The following AKR1C8 variants were observed in gnomAD, a reference collection of about 807,000 sequenced individuals.
AKR1C8 encodes aldo-keto reductase family 1 member C8, also known as aldo-keto reductase family 1 member C-like protein 1.
the AKR1C8 span, among the ~76,000 whole-genome samples, chr10:5,121,583 G>A: frequency 0.28 from 42,016 of 151,788 alleles, 6,260 homozygotes; most frequent in African/African-American, 0.39. Flanking sequence ...GGACTCTTAC[G>A]GGAGGACATG....
chr10:5,175,988 C>A, the AKR1C8 span, among the ~76,000 whole-genome samples: 3 of 151,938 alleles, frequency 2.0e-5, no homozygotes, highest in African/African-American at 7.3e-5. Context: ...TTAATTAGAT[C>A]CCATTTGTCA....
At chr10:5,132,751 C>A in the AKR1C8 span, 2 of 1,465,190 alleles carry the variant, frequency 1.4e-6, no homozygotes. Context: ...GTAACCTCCA[C>A]AACTCTATTC....
the AKR1C8 span, chr10:5,162,013 C>T: frequency 1.9e-6 from 1 of 520,582 alleles, no homozygotes; most frequent in Admixed American, 2.0e-5. Flanking sequence ...TATAATTTCA[C>T]ACATTTGAGG....
the AKR1C8 span, among the ~76,000 whole-genome samples, chr10:5,173,569 A>T: frequency 6.6e-6 from 1 of 152,052 alleles, no homozygotes; most frequent in Non-Finnish European, 1.5e-5. Context: ...AAATAGTGGT[A>T]CAAACTTATA....
At chr10:5,154,942 G>A in the AKR1C8 span, 1 of 152,142 alleles carries the variant, frequency 6.6e-6, no homozygotes. Flanking sequence ...ATGCCTTGAG[G>A]ATCCAGAGAA....
chr10:5,148,115 G>T, the AKR1C8 span, among the ~76,000 whole-genome samples: 1 of 152,088 alleles, frequency 6.6e-6, no homozygotes, highest in Non-Finnish European at 1.5e-5. Context: ...AAGGGACTAG[G>T]TGGCTGCTAC....
chr10:5,139,420 C>T, the AKR1C8 span, among the ~76,000 whole-genome samples: 71 of 152,250 alleles, frequency 4.7e-4, no homozygotes, highest in African/African-American at 1.6e-3. Context: ...GCTACAGTAA[C>T]CAAAACAACA....
the AKR1C8 span, among the ~76,000 whole-genome samples, chr10:5,131,682 A>AT: frequency 1.3e-5 from 2 of 150,278 alleles, no homozygotes. Flanking sequence ...AAAAAAAAAA[A>AT]CAAAAACAGT....
chr10:5,151,192 G>C, the AKR1C8 span, among the ~76,000 whole-genome samples: 1 of 152,122 alleles, frequency 6.6e-6, no homozygotes, highest in Non-Finnish European at 1.5e-5. Context: ...AATATCTCAA[G>C]CACTGATCTT....
chr10:5,150,942 T>C, the AKR1C8 span, among the ~76,000 whole-genome samples: 1 of 152,146 alleles, frequency 6.6e-6, no homozygotes, highest in African/African-American at 2.4e-5. Context: ...AGAACAGAGT[T>C]TTATTACTAC....
the AKR1C8 span, among the ~76,000 whole-genome samples, chr10:5,176,035 G>A: frequency 2.0e-5 from 3 of 151,832 alleles, no homozygotes; most frequent in Non-Finnish European, 4.4e-5. Context: ...TGGTGTTTTA[G>A]ACATGAAGTC....
chr10:5,169,432 G>A, the AKR1C8 span, among the ~76,000 whole-genome samples: 1 of 152,182 alleles, frequency 6.6e-6, no homozygotes, highest in African/African-American at 2.4e-5. Context: ...AAATGGCCAT[G>A]ATTCTGTTGG....
At chr10:5,166,475 A>T in the AKR1C8 span, among the ~76,000 whole-genome samples, 1 of 152,188 alleles carries the variant, frequency 6.6e-6, no homozygotes, top group Admixed American at 6.5e-5. Context: ...GCCCTCAGAA[A>T]TAATGCCACA....
At chr10:5,117,158 G>A in the AKR1C8 span, among the ~76,000 whole-genome samples, 6 of 151,210 alleles carry the variant, frequency 4.0e-5, no homozygotes, top group African/African-American at 1.2e-4. Context: ...CAGGAAAAGG[G>A]TTAAAAGGTG....
At chr10:5,138,332 G>T in the AKR1C8 span, among the ~76,000 whole-genome samples, 2 of 152,062 alleles carry the variant, frequency 1.3e-5, no homozygotes, top group Admixed American at 1.3e-4. Context: ...TTCCTTGCTA[G>T]GAAAAGAATT....
At chr10:5,162,708 G>C in the AKR1C8 span, 1 of 360,006 alleles carries the variant, frequency 2.8e-6, no homozygotes. Context: ...ATATTTCAGA[G>C]TAAGAAAGTC....
At chr10:5,165,123 T>C in the AKR1C8 span, among the ~76,000 whole-genome samples, 1 of 152,170 alleles carries the variant, frequency 6.6e-6, no homozygotes, top group Non-Finnish European at 1.5e-5. Flanking sequence ...TCCCTACTGA[T>C]AGACATTCAT....
the AKR1C8 span, among the ~76,000 whole-genome samples, chr10:5,167,797 G>A: frequency 1.3e-5 from 2 of 152,036 alleles, no homozygotes; most frequent in South Asian, 4.1e-4. Flanking sequence ...GACAGTAAAT[G>A]ATTAGGCTTA....
the AKR1C8 span, among the ~76,000 whole-genome samples, chr10:5,164,086 C>T: frequency 0.28 from 42,333 of 151,986 alleles, 6,743 homozygotes; most frequent in Non-Finnish European, 0.36. Flanking sequence ...ATCATCACTA[C>T]AGCCTTTGAT....
Sources: gnomAD v4.1 joint callset for allele counts (sites outside exome capture counted in the v4.1 genomes callset) on GRCh38, gnomAD v4.1.1 for gene constraint, MANE v1.5 for transcripts, NCBI Gene and HGNC (gene_info 2026-07-23, HGNC 2026-07-21) for gene names.